The following RIMBP2 variants were observed in gnomAD, a reference collection of about 807,000 sequenced individuals.
The protein encoded by RIMBP2 is RIMS-binding protein 2.
In RIMBP2, 48 loss-of-function variants were observed where a neutral mutation model predicts 118.6. The observed-to-expected ratio is 0.40, with a 90% CI of 0.32 to 0.51. The LOEUF (loss-of-function observed/expected upper bound fraction) is 0.51, where lower values mean the gene tolerates loss of function less well. RIMBP2 is among the 20% of genes least tolerant of loss of function. The pLI is 0.41. For missense variants in RIMBP2, 1,551 were observed against 1,768.3 expected (o/e 0.88, Z 2.20); for synonymous variants, 762 against 742.9 (o/e 1.03, Z -0.42).
chr12:130,659,513 G>C lies in RIMBP2; in HGVS notation c.-351-31057C>G, dbSNP rs547992591. Among the ~76,000 whole-genome samples, 7 of 151,138 alleles carry C rather than the reference G, an allele frequency of 4.6e-5. No individual in the cohort carries two copies. The East Asian group carries it at 9.9e-4, about 21-fold the overall frequency. ...GAACCCGGGAGGCGTATGTTGCAGT[G>C]AGCCCAGATCATGCCACTGCACTCC... On this transcript the variant is annotated intron_variant, in intron 1 of 22. Transcript: ENST00000690449.
chr12:130,511,378 C>T lies in RIMBP2; in HGVS notation c.-126-4608G>A, dbSNP rs536414596. Among the ~76,000 whole-genome samples the T allele has an allele frequency of 1.3e-5, 2 of 152,304 alleles. No individual in the cohort carries two copies. Among genetic ancestry groups the T allele is most frequent in the South Asian group, 2.1e-4 (1 of 4,826 alleles). ...TCACAGCAGCAATAGGCAACTGATGCGGAAATCAGCTAAACAGCAGTCCTC... is the reference window on the plus strand; with the variant it reads ...TCACAGCAGCAATAGGCAACTGATGTGGAAATCAGCTAAACAGCAGTCCTC... On this transcript the variant is annotated intron_variant, in intron 3 of 22. Coordinates refer to ENST00000690449, the MANE Select transcript of RIMBP2 (RefSeq NM_001393629.1). The surrounding 1 kb of genome is among the most constrained non-coding windows in gnomAD (Gnocchi z 4.3).
chr12:130,535,577 G>C (rs1171643797), intron 2 of RIMBP2, among the ~76,000 whole-genome samples: 1 of 151,490 alleles, frequency 6.6e-6, no homozygotes, highest in East Asian at 1.9e-4. Context: ...CCATTGCATA[G>C]ACTAACTCAT....
At chr12:130,497,920 G>A (rs562363995) in intron 4 of RIMBP2, among the ~76,000 whole-genome samples, 108 of 152,294 alleles carry the variant, frequency 7.1e-4, no homozygotes, top group African/African-American at 2.5e-3. Context: ...CACCAGCCTG[G>A]GCTGAGGAGA....
chr12:130,598,875 CTGAT>C (rs2059708912), intron 2 of RIMBP2, among the ~76,000 whole-genome samples: 1 of 152,074 alleles, frequency 6.6e-6, no homozygotes, highest in Non-Finnish European at 1.5e-5. Flanking sequence ...GTATTAGCAA[CTGAT>C]TGTCTTTTGG....
At chr12:130,458,843 G>A (rs969517728) in intron 6 of RIMBP2, among the ~76,000 whole-genome samples, 1 of 151,956 alleles carries the variant, frequency 6.6e-6, no homozygotes, top group Non-Finnish European at 1.5e-5. Context: ...TCAGGAGTTC[G>A]AGACCAGCCT....
chr12:130,645,057 T>C (rs2062794325), intron 1 of RIMBP2, among the ~76,000 whole-genome samples: 1 of 152,024 alleles, frequency 6.6e-6, no homozygotes, highest in Non-Finnish European at 1.5e-5. Context: ...TTGGAGTGTT[T>C]ACACCACAGA....
In RIMBP2 at chr12:130,424,035, G is replaced by C. The variant is rs1014645168; in HGVS notation, c.3129+107C>G. On this transcript the variant is annotated intron_variant, in intron 16 of 22. Transcript: ENST00000690449. The surrounding 1 kb of genome is among the most constrained non-coding windows in gnomAD (Gnocchi z 9.8). The stretch of plus-strand genomic sequence containing the variant: ...ATGCAGGGAAAACGAAAGACAGCCA[G>C]CAAGAGAGTCCCCAGGGATGGACAC... The C allele has an allele frequency of 1.8e-6, 1 of 554,432 alleles. No homozygotes were observed. Among genetic ancestry groups the C allele is most frequent in the Non-Finnish European group, 2.7e-6 (1 of 369,122 alleles). 34.3% of individuals were successfully genotyped at this position (554,432 alleles called of 1,614,324 possible).
At chr12:130,656,009 T>G (rs374353310) in intron 1 of RIMBP2, among the ~76,000 whole-genome samples, 149 of 152,312 alleles carry the variant, frequency 9.8e-4, no homozygotes, top group African/African-American at 3.4e-3. Context: ...AGCTCTCTCA[T>G]GTCCATCTTA....
rs1412138815 is a variant in RIMBP2 at position 130,419,298 on chromosome 12, G to GC, written c.3238+3154dup. Among the ~76,000 whole-genome samples, 1 of 152,198 alleles carries GC rather than the reference G, an allele frequency of 6.6e-6. No individual in the cohort carries two copies. The highest frequency in any genetic ancestry group is 1.5e-5 in the Non-Finnish European group (1 of 68,038). Reference sequence around the variant, plus strand: ...CCCATCCTGCTGAGGAAGTGTGCTGGCCCAAGGGGTCTTTGTTAGGAGGAA... The same window carrying GC: ...CCCATCCTGCTGAGGAAGTGTGCTGGCCCCAAGGGGTCTTTGTTAGGAGGAA... On this transcript the variant is annotated intron_variant, in intron 17 of 22. Transcript: ENST00000690449. The surrounding 1 kb of genome is among the most constrained non-coding windows in gnomAD (Gnocchi z 4.3).
At chr12:130,462,158 G>T (rs2080051898) in intron 6 of RIMBP2, among the ~76,000 whole-genome samples, 1 of 152,202 alleles carries the variant, frequency 6.6e-6, no homozygotes, top group Admixed American at 6.5e-5. Context: ...TCATGGCCCT[G>T]TAGATGCCCC....
intron 3 of RIMBP2, among the ~76,000 whole-genome samples, chr12:130,509,732 C>A (rs11829263): frequency 0.047 from 7,079 of 150,788 alleles, 433 homozygotes; most frequent in African/African-American, 0.12. Context: ...CTCTGCCCCC[C>A]CGCCCCGGCA....
intron 3 of RIMBP2, among the ~76,000 whole-genome samples, chr12:130,509,052 C>T (rs950968398): frequency 6.6e-6 from 1 of 152,170 alleles, no homozygotes; most frequent in East Asian, 1.9e-4. Context: ...CCCCGGCCCC[C>T]GGCCCTCCCC....
Position 130,424,670 on chromosome 12 carries a change from G to A in RIMBP2, c.2601C>T (p.Pro867=). Residue 867 remains proline, a synonymous_variant, in exon 16 of 23, where the codon CCC becomes CCT. Coordinates refer to ENST00000690449, the MANE Select transcript of RIMBP2 (RefSeq NM_001393629.1). This position sits in a 1 kb window ranked among gnomAD's most constrained non-coding sequence, Gnocchi z 9.8. ...PRARTGLARE[P]RPGRPYRGDE... is the part of the protein sequence containing the mutation. Reference sequence around the variant, plus strand: ...CGCCCCTGTAGGGCCTGCCGGGCCTGGGCTCTCTGGCCAGCCCCGTCCTGG... The same window carrying A: ...CGCCCCTGTAGGGCCTGCCGGGCCTAGGCTCTCTGGCCAGCCCCGTCCTGG... 2 of 1,231,882 alleles carry A rather than the reference G, an allele frequency of 1.6e-6. No individual in the cohort carries two copies. Among genetic ancestry groups the A allele is most frequent in the Non-Finnish European group, 2.0e-6 (2 of 987,880 alleles). 76.3% of individuals were successfully genotyped at this position (1,231,882 alleles called of 1,614,324 possible). A position where few individuals can be genotyped will look rare whatever the true frequency, so the allele number is the denominator to read the frequency against.
At chr12:130,448,635 G>A (rs1336215327) in intron 9 of RIMBP2, among the ~76,000 whole-genome samples, 1 of 152,238 alleles carries the variant, frequency 6.6e-6, no homozygotes, top group Non-Finnish European at 1.5e-5. Context: ...CTTCATCCTG[G>A]CCCCGCCAAC....
intron 2 of RIMBP2, among the ~76,000 whole-genome samples, chr12:130,546,895 G>A (rs1038909955): frequency 5.9e-5 from 9 of 152,198 alleles, no homozygotes; most frequent in African/African-American, 2.2e-4. Flanking sequence ...CTATTTCCCT[G>A]TAGTTTCACT....
intron 2 of RIMBP2, among the ~76,000 whole-genome samples, chr12:130,535,728 CATATAT>C (rs1219732658): frequency 2.3e-5 from 3 of 128,058 alleles, no homozygotes; most frequent in Admixed American, 7.9e-5. Context: ...CATATATATA[CATATAT>C]ATACATATAT....
intron 2 of RIMBP2, among the ~76,000 whole-genome samples, chr12:130,535,738 C>A (rs7488374): frequency 1.5e-5 from 1 of 66,744 alleles, no homozygotes; most frequent in Admixed American, 2.0e-4. Context: ...CATATATATA[C>A]ATATATATAT....
chr12:130,695,499 T>A lies in RIMBP2; in HGVS notation c.-352+20723A>T, dbSNP rs576526357. 4.6e-5 allele frequency among the ~76,000 whole-genome samples: 7 copies of A among 152,280 alleles called. No individual in the cohort carries two copies. In the South Asian group the frequency reaches 1.5e-3, roughly 32 times the overall value. ...GCTCCCACCTGCAATCCCACCACTCTTGGAGGCCAAAGTGGGAGGTTCGCT... is the reference window on the plus strand; with the variant it reads ...GCTCCCACCTGCAATCCCACCACTCATGGAGGCCAAAGTGGGAGGTTCGCT... On this transcript the variant is annotated intron_variant, in intron 1 of 22. Transcript: ENST00000690449.
intron 2 of RIMBP2, among the ~76,000 whole-genome samples, chr12:130,520,390 C>T (rs1426789751): frequency 6.6e-6 from 1 of 152,072 alleles, no homozygotes; most frequent in African/African-American, 2.4e-5. Flanking sequence ...ATACTGGGCA[C>T]ACCCTACCCT....
Sources: allele counts gnomAD v4.1 joint callset (sites outside exome capture counted in the v4.1 genomes callset), GRCh38; gene constraint gnomAD v4.1.1; non-coding constraint Gnocchi (gnomAD v3.1); transcripts MANE v1.5; gene names NCBI Gene and HGNC (gene_info 2026-07-23, HGNC 2026-07-21).